PARK7: variants seen among roughly 807,000 people sequenced by gnomAD.
The protein encoded by PARK7 is Parkinsonism associated deglycase.
In PARK7, 14 loss-of-function variants were observed where a neutral mutation model predicts 20.5. The ratio of observed to expected loss-of-function variants is 0.68; its 90% CI spans 0.45 to 1.07. The LOEUF is 1.07. Ranked by LOEUF, PARK7 falls within the 50% of genes least tolerant of loss-of-function variation. PARK7 has a pLI of 0.00. For missense variants in PARK7, 234 were observed against 238.1 expected (o/e 0.98, Z 0.11); for synonymous variants, 98 against 84.3 (o/e 1.16, Z -0.89).
chr1:7,969,390 CAG>C lies in PARK7; in HGVS notation c.240_241del (p.Asn81PhefsTer3). On this transcript the variant is annotated frameshift_variant, in exon 4 of 7. Transcript: ENST00000338639. LOFTEE classifies it high-confidence loss of function. ...VVLPGGNLGA[Q>X]NLSESAAVKE... Reference sequence around the variant, plus strand: ...TCTACCAGGAGGTAATCTGGGCGCACAGAATTTATCTGAGGTAAAAAATTCTA... The same window carrying C: ...TCTACCAGGAGGTAATCTGGGCGCACAATTTATCTGAGGTAAAAAATTCTA... 1 of 1,604,860 alleles carries C rather than the reference CAG, an allele frequency of 6.2e-7. No homozygotes were observed. The highest frequency in any genetic ancestry group is 8.5e-7 in the Non-Finnish European group (1 of 1,173,824).
intron 5 of PARK7, among the ~76,000 whole-genome samples, chr1:7,973,915 A>T (rs952856795): frequency 1.3e-5 from 2 of 149,638 alleles, no homozygotes; most frequent in East Asian, 5.0e-4. Context: ...TTCAAAAAAA[A>T]AAAAAAAAAA....
chr1:7,962,657 A>C, intron 1 of PARK7, 106 bp from the exon 2 acceptor site: 1 of 691,656 alleles, frequency 1.4e-6, no homozygotes, highest in Non-Finnish European at 2.5e-6. Flanking sequence ...CCGTTTCCCT[A>C]GGAAGTACTT....
Position 7,965,934 on chromosome 1 carries a change from C to T in PARK7, c.192+509C>T, listed in dbSNP as rs575618150. On this transcript the variant is annotated intron_variant, in intron 3 of 6. Transcript: ENST00000338639. ...AAGCAATCCTCCCACCTCAACCCCCCACGTAGCTCGGACTACAGGCATGTG... is the reference window on the plus strand; with the variant it reads ...AAGCAATCCTCCCACCTCAACCCCCTACGTAGCTCGGACTACAGGCATGTG... Among the ~76,000 whole-genome samples, 180 of 152,328 alleles carry T rather than the reference C, an allele frequency of 1.2e-3. 1 individual carries two copies. Among genetic ancestry groups the T allele is most frequent in the Middle Eastern group, 3.4e-3 (1 of 294 alleles).
chr1:7,983,533 C>A (rs925568193), intron 6 of PARK7, among the ~76,000 whole-genome samples: 4 of 152,244 alleles, frequency 2.6e-5, no homozygotes, highest in African/African-American at 9.6e-5. Flanking sequence ...GGTTCCTTTC[C>A]ATCTCCTTCT....
At chr1:7,974,365 C>A (rs1332139001) in intron 5 of PARK7, among the ~76,000 whole-genome samples, 2 of 152,028 alleles carry the variant, frequency 1.3e-5, no homozygotes, top group Non-Finnish European at 2.9e-5. Context: ...GGCGGTGGCT[C>A]ACACCTGTAA....
chr1:7,964,903 G>A (rs1640293095), intron 2 of PARK7, among the ~76,000 whole-genome samples: 1 of 152,214 alleles, frequency 6.6e-6, no homozygotes, highest in Admixed American at 6.5e-5. Flanking sequence ...AACATTTGTG[G>A]GAGAAAGGGT....
chr1:7,962,887 A>G lies in PARK7; in HGVS notation c.90+12A>G, dbSNP rs887271382. On this transcript the variant is annotated intron_variant, in intron 2 of 6. Transcript: ENST00000338639. Reference sequence around the variant, plus strand: ...TGAGGCGAGCTGGGGTAAGTCCCACATCGATTTTTAGCCATTCCTGTTTTA... The same window carrying G: ...TGAGGCGAGCTGGGGTAAGTCCCACGTCGATTTTTAGCCATTCCTGTTTTA... The G allele has an allele frequency of 3.7e-5, 59 of 1,600,370 alleles. No homozygotes were observed. Among genetic ancestry groups the G allele is most frequent in the Non-Finnish European group, 4.4e-5 (51 of 1,167,722 alleles).
At position 7,984,667 on chromosome 1, in the gene PARK7, A is replaced by G. The variant is rs530611695; in HGVS notation, c.410-227A>G. Among the ~76,000 whole-genome samples the G allele has an allele frequency of 1.3e-5, 2 of 152,300 alleles. No homozygotes were observed. Among genetic ancestry groups the G allele is most frequent in the Admixed American group, 6.5e-5 (1 of 15,304 alleles). ...CTTAGCAGCTGCATTTAACTCACGC[A>G]TATTTGTTTCATTCTAACAGTGGTT... On this transcript the variant is annotated intron_variant, in intron 6 of 6. Transcript: ENST00000338639. The surrounding 1 kb of genome is among the most constrained non-coding windows in gnomAD (Gnocchi z 4.3).
At chr1:7,971,089 T>A (rs947973967) in intron 5 of PARK7, 126 bp downstream of exon 5, 6 of 1,039,484 alleles carry the variant, frequency 5.8e-6, no homozygotes, top group Middle Eastern at 4.0e-4. Context: ...TTGGTGTATT[T>A]AGTTTGGGTG....
chr1:7,963,156 T>A (rs1557441193), intron 2 of PARK7, among the ~76,000 whole-genome samples: 1 of 152,100 alleles, frequency 6.6e-6, no homozygotes, highest in Non-Finnish European at 1.5e-5. Context: ...CTCTGCCTCC[T>A]GGGCCCAAAC....
Position 7,971,225 on chromosome 1 carries a change from G to A in PARK7, c.322+262G>A. 3 of 510,088 alleles carry A rather than the reference G, an allele frequency of 5.9e-6. No individual in the cohort carries two copies. In the South Asian group the frequency reaches 6.1e-5, roughly 10 times the overall value. 31.6% of individuals were successfully genotyped at this position (510,088 alleles called of 1,614,324 possible). ...TTGGTTGACCTCGGAGGAAAATAAG[G>A]CCCTCTGGAATTCAGTAAACAGCTT... is the stretch of plus-strand genomic sequence containing the variant. On this transcript the variant is annotated intron_variant, in intron 5 of 6. Transcript: ENST00000338639.
chr1:7,969,053 C>T, intron 3 of PARK7: 1 of 327,100 alleles, frequency 3.1e-6, no homozygotes. Context: ...CATACATCTA[C>T]ACACAAATAC....
chr1:7,976,023 T>A (rs931855816), intron 5 of PARK7, among the ~76,000 whole-genome samples: 1 of 152,214 alleles, frequency 6.6e-6, no homozygotes, highest in Non-Finnish European at 1.5e-5. Context: ...CAGCTGATAT[T>A]AGGCAGAAAG....
At position 7,984,827 on chromosome 1, in the gene PARK7, G is replaced by A. The variant is rs762250657; in HGVS notation, c.410-67G>A. On this transcript the variant is annotated intron_variant, in intron 6 of 6. Coordinates refer to ENST00000338639, the MANE Select transcript of PARK7 (RefSeq NM_007262.5). The surrounding 1 kb of genome is among the most constrained non-coding windows in gnomAD (Gnocchi z 4.3). ...ATATGCTGTAATAGTGAATTTAATT[G>A]GTAAGTAATCGTCTTTCTCGTCACA... The A allele has an allele frequency of 9.4e-5, 147 of 1,570,312 alleles. No homozygotes were observed. The highest frequency in any genetic ancestry group is 1.3e-4 in the Non-Finnish European group (146 of 1,142,490).
rs749054218 is a variant in PARK7 at position 7,965,324 on chromosome 1, A to T, written c.91A>T (p.Ile31Phe). ...AAATATGATAACATCTTTCTCGTAGATTAAGGTCACCGTTGCAGGCCTGGC... is the reference window on the plus strand; with the variant it reads ...AAATATGATAACATCTTTCTCGTAGTTTAAGGTCACCGTTGCAGGCCTGGC... ...IPVDVMRRAG[I>F]KVTVAGLAGK... Residue 31 changes from isoleucine (I) to phenylalanine (F), a missense_variant and splice_region_variant, in exon 3 of 7, where the codon ATT (isoleucine) becomes TTT (phenylalanine). Transcript: ENST00000338639. 1 of 1,613,540 alleles carries T rather than the reference A, an allele frequency of 6.2e-7. No homozygotes were observed. Among genetic ancestry groups the T allele is most frequent in the South Asian group, 1.1e-5 (1 of 91,070 alleles).
At chr1:7,980,079 T>A (rs1476237464) in intron 6 of PARK7, among the ~76,000 whole-genome samples, 1 of 148,366 alleles carries the variant, frequency 6.7e-6, no homozygotes, top group Non-Finnish European at 1.5e-5. Flanking sequence ...GAGAGTGGCG[T>A]GAACCCAAGA....
At chr1:7,979,603 C>T (rs1640668334) in intron 6 of PARK7, among the ~76,000 whole-genome samples, 1 of 152,086 alleles carries the variant, frequency 6.6e-6, no homozygotes, top group Non-Finnish European at 1.5e-5. Flanking sequence ...TGGGATCAGG[C>T]AATCCTCTCA....
rs1032384302 is a variant in PARK7 at position 7,963,198 on chromosome 1, A to G, written c.90+323A>G. On this transcript the variant is annotated intron_variant, in intron 2 of 6. Transcript: ENST00000338639. ...CCCACCTCAGCCTCCCAAATAGCTG[A>G]GACTACAGATGCGTGCCACCACACC... is the stretch of plus-strand genomic sequence containing the variant. Among the ~76,000 whole-genome samples, 3 of 151,838 alleles carry G rather than the reference A, an allele frequency of 2.0e-5. No homozygotes were observed. The South Asian group carries it at 6.2e-4, about 32-fold the overall frequency.
intron 3 of PARK7, among the ~76,000 whole-genome samples, chr1:7,968,889 T>A (rs1479695764): frequency 6.6e-6 from 1 of 152,216 alleles, no homozygotes; most frequent in African/African-American, 2.4e-5. Context: ...TATAGACACA[T>A]ATAAAGTCAA....
Sources: gnomAD v4.1 joint callset for allele counts (sites outside exome capture counted in the v4.1 genomes callset) on GRCh38, gnomAD v4.1.1 for gene constraint, Gnocchi (gnomAD v3.1) non-coding constraint, MANE v1.5 for transcripts, NCBI Gene and HGNC (gene_info 2026-07-23, HGNC 2026-07-21) for gene names.